The following ABHD12 variants were observed in gnomAD, a reference collection of about 807,000 sequenced individuals.
The protein encoded by ABHD12 is lysophosphatidylserine lipase ABHD12.
A neutral mutation model predicts 58.3 loss-of-function variants in ABHD12; 43 were observed. That is an observed-to-expected ratio of 0.74 (90% CI 0.58 to 0.95). The LOEUF is 0.95. Ranked by LOEUF, ABHD12 falls within the 40% of genes least tolerant of loss-of-function variation. ABHD12 has a pLI of 0.00. For missense variants in ABHD12, 539 were observed against 537.2 expected (o/e 1.00, Z -0.03); for synonymous variants, 219 against 211.2 (o/e 1.04, Z -0.32).
intron 1 of ABHD12, among the ~76,000 whole-genome samples, chr20:25,370,997 T>C (rs2089893311): frequency 6.6e-6 from 1 of 152,124 alleles, no homozygotes; most frequent in South Asian, 2.1e-4. Context: ...CACCATTTAT[T>C]TTTAATTGTT....
intron 10 of ABHD12, among the ~76,000 whole-genome samples, chr20:25,305,236 T>C (rs1378464162): frequency 6.6e-6 from 1 of 152,224 alleles, no homozygotes; most frequent in Non-Finnish European, 1.5e-5. Flanking sequence ...CTTAAAATAT[T>C]TGTTCAACTT....
intron 2 of ABHD12, among the ~76,000 whole-genome samples, chr20:25,337,102 A>T (rs1423998179): frequency 6.6e-6 from 1 of 152,118 alleles, no homozygotes; most frequent in Non-Finnish European, 1.5e-5. Flanking sequence ...TCTCTACTAA[A>T]AATATAAAAA....
At chr20:25,338,892 G>A in intron 2 of ABHD12, 1 of 1,144,748 alleles carries the variant, frequency 8.7e-7, no homozygotes, top group African/African-American at 1.6e-5. Flanking sequence ...CACCTCAGCT[G>A]AAGACAGATA....
chr20:25,302,685 A>G (rs2088659412), intron 11 of ABHD12, among the ~76,000 whole-genome samples: 2 of 152,164 alleles, frequency 1.3e-5, no homozygotes, highest in African/African-American at 4.8e-5. Flanking sequence ...GACAAAAGGT[A>G]TGTGCCTCAG....
intron 1 of ABHD12, among the ~76,000 whole-genome samples, chr20:25,350,437 T>C (rs116027071): frequency 0.013 from 1,952 of 152,244 alleles, 43 homozygotes; most frequent in African/African-American, 0.044. Context: ...CTGTTTCTCA[T>C]GGTAGTAAGT....
chr20:25,379,937 T>C (rs867017756), intron 1 of ABHD12, among the ~76,000 whole-genome samples: 3 of 151,822 alleles, frequency 2.0e-5, no homozygotes, highest in Admixed American at 6.6e-5. Context: ...TGATCCTCCT[T>C]CTTTATCCTC....
intron 1 of ABHD12, among the ~76,000 whole-genome samples, chr20:25,369,909 GTTTCTC>G (rs1271164977): frequency 1.0e-5 from 1 of 97,436 alleles, no homozygotes; most frequent in Admixed American, 1.6e-4. Context: ...GCAAGACCCT[GTTTCTC>G]TGTCTCTGTT....
chr20:25,315,437 A>AT (rs927284805), intron 5 of ABHD12, among the ~76,000 whole-genome samples: 21 of 150,476 alleles, frequency 1.4e-4, no homozygotes, highest in Admixed American at 1.3e-3. Flanking sequence ...TTTTTCTGTT[A>AT]TTTTTTTTTA....
intron 2 of ABHD12, among the ~76,000 whole-genome samples, chr20:25,335,168 A>T: frequency 6.6e-6 from 1 of 152,234 alleles, no homozygotes; most frequent in Non-Finnish European, 1.5e-5. Flanking sequence ...CACTTCTCAA[A>T]AGAAGACAGT....
In ABHD12 at chr20:25,349,575, T is replaced by A. The variant is rs80040682; in HGVS notation, c.192-10224A>T. 4.7e-3 allele frequency among the ~76,000 whole-genome samples: 720 copies of A among 152,330 alleles called. 24 individuals are homozygous for A. The East Asian group carries it at 0.091, about 19-fold the overall frequency. On this transcript the variant is annotated intron_variant, in intron 1 of 12. Transcript: ENST00000339157. ...GAGTATTATGTAGCCATAAAAAGAA[T>A]GAAATTTGGATGCATGCTACAACAT...
intron 1 of ABHD12, among the ~76,000 whole-genome samples, chr20:25,377,620 A>G (rs181013900): frequency 6.0e-4 from 92 of 152,296 alleles, no homozygotes; most frequent in African/African-American, 2.2e-3. Flanking sequence ...TAAACCATTA[A>G]TCTATGAATG....
In ABHD12 at chr20:25,302,092, C is replaced by T. The variant is rs116284594; in HGVS notation, c.1157+127G>A. ...CTCTGCCAAGGAAATGGAAGGCTCC[C>T]AAATCACTGTGACTCTTGGCCCCAC... On this transcript the variant is annotated intron_variant, in intron 12 of 12. Coordinates refer to ENST00000339157, the MANE Select transcript of ABHD12 (RefSeq NM_001042472.3). 3,504 of 1,390,274 alleles carry T rather than the reference C, an allele frequency of 2.5e-3. 75 individuals are homozygous for T. In the African/African-American group the frequency reaches 0.044, roughly 17 times the overall value. The allele number at this position is 1,390,274 out of a possible 1,614,324, so 86.1% of individuals were successfully genotyped here.
chr20:25,330,603 G>A (rs139653336), intron 2 of ABHD12, among the ~76,000 whole-genome samples: 78 of 152,342 alleles, frequency 5.1e-4, no homozygotes, highest in African/African-American at 1.3e-3. Context: ...CTCCCAGCAC[G>A]CACCTGGAGA....
intron 1 of ABHD12, among the ~76,000 whole-genome samples, chr20:25,384,014 C>T (rs1302552534): frequency 1.4e-5 from 2 of 147,078 alleles, no homozygotes; most frequent in Non-Finnish European, 3.0e-5. Flanking sequence ...TGGTGGCGGG[C>T]GCCCATAGTC....
At chr20:25,379,483 G>A (rs1297152149) in intron 1 of ABHD12, among the ~76,000 whole-genome samples, 2 of 152,072 alleles carry the variant, frequency 1.3e-5, no homozygotes, top group Admixed American at 1.3e-4. Flanking sequence ...TTTCCCCACA[G>A]CCTTGGCCTT....
chr20:25,371,201 G>A (rs2089895766), intron 1 of ABHD12, among the ~76,000 whole-genome samples: 1 of 152,116 alleles, frequency 6.6e-6, no homozygotes, highest in African/African-American at 2.4e-5. Flanking sequence ...CTACACAAAA[G>A]GCCCCCAAGG....
In ABHD12 at chr20:25,331,295, T is replaced by C. The variant is rs554733056; in HGVS notation, c.317-7865A>G. ...AAACGAGTAAAGCCTCCAAGAAATA[T>C]GGGACTATGTGAAAAGACCAAATCT... On this transcript the variant is annotated intron_variant, in intron 2 of 12. Transcript: ENST00000339157. Among the ~76,000 whole-genome samples, 139 of 152,144 alleles carry C rather than the reference T, an allele frequency of 9.1e-4. 2 individuals carry two copies. In the South Asian group the frequency reaches 0.022, roughly 24 times the overall value.
exon 13 of ABHD12, chr20:25,294,956 T>C (rs1209794323): frequency 1.2e-6 from 2 of 1,614,162 alleles, no homozygotes; most frequent in Non-Finnish European, 1.7e-6. Flanking sequence ...GATGACCGTG[T>C]CACCTGTTGG....
chr20:25,387,871 T>C (rs960502262), intron 1 of ABHD12, among the ~76,000 whole-genome samples: 1 of 151,690 alleles, frequency 6.6e-6, no homozygotes, highest in Non-Finnish European at 1.5e-5. Context: ...TGAAACCCCG[T>C]CTCTACTAAA....
Sources: gnomAD v4.1 joint callset for allele counts (sites outside exome capture counted in the v4.1 genomes callset) on GRCh38, gnomAD v4.1.1 for gene constraint, MANE v1.5 for transcripts, NCBI Gene and HGNC (gene_info 2026-07-23, HGNC 2026-07-21) for gene names.